Variants in ZMAT4 observed in about 807,000 individuals in gnomAD.
ZMAT4 encodes the protein zinc finger matrin-type 4, also known as zinc finger matrin-type protein 4.
In ZMAT4, 17 loss-of-function variants were observed where a neutral mutation model predicts 28.7. That is an observed-to-expected ratio of 0.59 (90% confidence interval 0.41 to 0.89). The LOEUF is 0.89. Ranked by LOEUF, ZMAT4 falls within the 40% of genes least tolerant of loss-of-function variation. The pLI, the probability that ZMAT4 is intolerant of heterozygous loss-of-function variation, is 0.00. For synonymous variants in ZMAT4, 117 were observed against 109.2 expected (o/e 1.07, Z -0.44); for missense variants, 240 against 283.8 (o/e 0.85, Z 1.11).
intron 2 of ZMAT4, among the ~76,000 whole-genome samples, chr8:40,784,861 A>G (rs953322769): frequency 1.3e-5 from 2 of 152,220 alleles, no homozygotes; most frequent in Non-Finnish European, 2.9e-5. Context: ...TCAGTAAATA[A>G]TAAGAGAGGT....
chr8:40,636,849 A>G (rs1230548749), intron 5 of ZMAT4, among the ~76,000 whole-genome samples: 1 of 152,138 alleles, frequency 6.6e-6, no homozygotes, highest in Admixed American at 6.5e-5. Context: ...CATGAGACAC[A>G]ATTGCCAACT....
chr8:40,612,811 GT>G (rs57134245), intron 5 of ZMAT4, among the ~76,000 whole-genome samples: 19,034 of 85,562 alleles, frequency 0.22, 2,082 homozygotes, highest in Middle Eastern at 0.3. Context: ...TTTGGTTTTT[GT>G]TTTTTTTTTT....
chr8:40,805,875 C>T (rs953353434), intron 2 of ZMAT4, among the ~76,000 whole-genome samples: 1 of 151,678 alleles, frequency 6.6e-6, no homozygotes, highest in African/African-American at 2.4e-5. Flanking sequence ...ACCAGCATGG[C>T]ACATGTATAC....
chr8:40,551,065 T>C (rs1019689841), intron 6 of ZMAT4, among the ~76,000 whole-genome samples: 21 of 152,196 alleles, frequency 1.4e-4, no homozygotes, highest in Non-Finnish European at 2.8e-4. Flanking sequence ...TATAGTGATG[T>C]TGTCTCATAC....
chr8:40,620,241 C>A (rs1341131440), intron 5 of ZMAT4, among the ~76,000 whole-genome samples: 3 of 152,172 alleles, frequency 2.0e-5, no homozygotes, highest in African/African-American at 7.2e-5. Flanking sequence ...AGAATCACAA[C>A]AGAGGCTAAC....
intron 2 of ZMAT4, among the ~76,000 whole-genome samples, chr8:40,807,057 G>C (rs1815111795): frequency 6.7e-6 from 1 of 148,394 alleles, no homozygotes; most frequent in Non-Finnish European, 1.5e-5. Flanking sequence ...CAAGCAGAAG[G>C]AACTTGCAGT....
intron 3 of ZMAT4, among the ~76,000 whole-genome samples, chr8:40,722,336 T>C (rs950551527): frequency 1.3e-5 from 2 of 152,232 alleles, no homozygotes; most frequent in Non-Finnish European, 2.9e-5. Context: ...TCCTACACCT[T>C]ATATAGCTTT....
intron 3 of ZMAT4, among the ~76,000 whole-genome samples, chr8:40,745,558 C>T (rs1182201358): frequency 6.6e-6 from 1 of 152,128 alleles, no homozygotes; most frequent in Admixed American, 6.5e-5. Flanking sequence ...AGGTCCTTTC[C>T]CAAGCCAAGG....
intron 1 of ZMAT4, among the ~76,000 whole-genome samples, chr8:40,853,485 G>A (rs1047323146): frequency 8.5e-5 from 13 of 152,138 alleles, no homozygotes; most frequent in Non-Finnish European, 1.3e-4. Flanking sequence ...GAACCCAGGA[G>A]GAAGAGGTTG....
rs368032194 is a variant in ZMAT4, at chr8:40,629,537, C to T, written c.577+45167G>A. Among the ~76,000 whole-genome samples the T allele has an allele frequency of 2.7e-3, 411 of 151,692 alleles. 4 individuals carry two copies. Among genetic ancestry groups the T allele is most frequent in the African/African-American group, 9.6e-3 (395 of 41,300 alleles). On this transcript the variant is annotated intron_variant, in intron 5 of 6. Transcript: ENST00000297737. ...CGTCATTTAGCATTACGTATATCTC[C>T]TAATGCTATCCCTCGCCCCTCCCCC...
rs184611441 is a variant in ZMAT4 at position 40,861,955 on chromosome 8, C to G, written c.-5+35728G>C. On this transcript the variant is annotated intron_variant, in intron 1 of 6. Coordinates refer to ENST00000297737, the MANE Select transcript of ZMAT4 (RefSeq NM_024645.3). Reference sequence around the variant, plus strand: ...GAGAGGATGTGGAGAAATAGGAACACTTTTATACTGTTGGTGGGACTGTAA... The same window carrying G: ...GAGAGGATGTGGAGAAATAGGAACAGTTTTATACTGTTGGTGGGACTGTAA... Among the ~76,000 whole-genome samples, 4 of 152,208 alleles carry G rather than the reference C, an allele frequency of 2.6e-5. No individual in the cohort carries two copies. The East Asian group carries it at 7.8e-4, about 29-fold the overall frequency.
intron 3 of ZMAT4, among the ~76,000 whole-genome samples, chr8:40,723,987 C>T (rs1811214424): frequency 6.6e-6 from 1 of 152,178 alleles, no homozygotes; most frequent in South Asian, 2.1e-4. Context: ...GGTACACATC[C>T]CTTCACTTGC....
intron 2 of ZMAT4, among the ~76,000 whole-genome samples, chr8:40,807,031 A>T (rs975863880): frequency 1.3e-5 from 2 of 151,368 alleles, no homozygotes; most frequent in South Asian, 4.2e-4. Flanking sequence ...CTTTCTGTGT[A>T]CCACTGTCAG....
At chr8:40,706,159 T>C (rs1041457562) in intron 3 of ZMAT4, among the ~76,000 whole-genome samples, 1 of 152,174 alleles carries the variant, frequency 6.6e-6, no homozygotes, top group Non-Finnish European at 1.5e-5. Context: ...TTCAAGCGAT[T>C]CTCCTGCCTC....
At chr8:40,550,261 GCA>G (rs1289163069) in intron 6 of ZMAT4, among the ~76,000 whole-genome samples, 1 of 152,102 alleles carries the variant, frequency 6.6e-6, no homozygotes, top group Non-Finnish European at 1.5e-5. Context: ...TTCTGAGATT[GCA>G]CAGTGTCCAG....
At chr8:40,658,619 T>C (rs868039512) in intron 5 of ZMAT4, among the ~76,000 whole-genome samples, 9 of 145,594 alleles carry the variant, frequency 6.2e-5, no homozygotes, top group East Asian at 4.2e-4. Context: ...GTTAGACACA[T>C]ACACACACAC....
chr8:40,562,286 G>A (rs1321218645), intron 6 of ZMAT4, among the ~76,000 whole-genome samples: 1 of 152,052 alleles, frequency 6.6e-6, no homozygotes, highest in East Asian at 1.9e-4. Flanking sequence ...CTCCTAAGCT[G>A]AAGACAGGTA....
rs1815902670 is a variant in ZMAT4, at chr8:40,823,450, A to G, written c.102+2125T>C. ...AAGGTGAGCAGATAATGAGGTCAGG[A>G]GATCGAGACCATCCTGGCTAACACG... On this transcript the variant is annotated intron_variant, in intron 2 of 6. Transcript: ENST00000297737. Among the ~76,000 whole-genome samples the G allele has an allele frequency of 2.6e-5, 4 of 152,184 alleles. No individual in the cohort carries two copies. In the South Asian group the frequency reaches 8.3e-4, roughly 31 times the overall value.
At chr8:40,739,857 C>T (rs1376508550) in intron 3 of ZMAT4, among the ~76,000 whole-genome samples, 1 of 152,176 alleles carries the variant, frequency 6.6e-6, no homozygotes, top group Non-Finnish European at 1.5e-5. Flanking sequence ...CACATGTTCT[C>T]ATTATTCAGC....
Sources: gnomAD v4.1 joint callset for allele counts (sites outside exome capture counted in the v4.1 genomes callset) on GRCh38, gnomAD v4.1.1 for gene constraint, MANE v1.5 for transcripts, NCBI Gene and HGNC (gene_info 2026-07-23, HGNC 2026-07-21) for gene names.